The following DYM variants were observed in gnomAD, a reference collection of about 807,000 sequenced individuals.
DYM encodes the protein dyggve-Melchior-Clausen syndrome protein.
A neutral mutation model predicts 93.1 loss-of-function variants in DYM; 78 were observed. That is an observed-to-expected ratio of 0.84 (90% CI 0.70 to 1.01). The LOEUF (loss-of-function observed/expected upper bound fraction) is 1.01. Among genes scored for constraint, DYM ranks in the 50% least tolerant of loss-of-function variants. The pLI, the probability that DYM is intolerant of heterozygous loss-of-function variation, is 0.00. For synonymous variants in DYM, 321 were observed against 319.7 expected (o/e 1.00, Z -0.04); for missense variants, 789 against 845.0 (o/e 0.93, Z 0.82).
chr18:49,162,493 A>G (rs2145041263), intron 15 of DYM, among the ~76,000 whole-genome samples: 1 of 152,240 alleles, frequency 6.6e-6, no homozygotes, highest in East Asian at 1.9e-4. Flanking sequence ...CTATTAATCC[A>G]TTAACTCACT....
At chr18:49,221,286 G>C (rs575570592) in intron 13 of DYM, among the ~76,000 whole-genome samples, 1 of 152,148 alleles carries the variant, frequency 6.6e-6, no homozygotes, top group South Asian at 2.1e-4. Context: ...GGAGAAATAG[G>C]AACACTTTTA....
chr18:49,387,156 A>G (rs1013731495), intron 3 of DYM, among the ~76,000 whole-genome samples: 2 of 151,978 alleles, frequency 1.3e-5, no homozygotes, highest in Non-Finnish European at 2.9e-5. Flanking sequence ...CCTGGACTCA[A>G]GAATCCTCCC....
chr18:49,441,090 TATATATAAA>T (rs2081439217), intron 1 of DYM, among the ~76,000 whole-genome samples: 1 of 8,638 alleles, frequency 1.2e-4, no homozygotes, highest in Non-Finnish European at 2.4e-4. Context: ...TATTATATAT[TATATATAAA>T]TATATATTAA....
chr18:49,163,788 C>A lies in DYM; in HGVS notation c.1626-1G>T, dbSNP rs2087501886. 1.2e-6 allele frequency: 2 copies of A among 1,600,142 alleles called. No homozygotes were observed. The highest frequency in any genetic ancestry group is 8.5e-7 in the Non-Finnish European group (1 of 1,170,980). On this transcript the variant is annotated splice_acceptor_variant, in intron 14 of 17. Transcript: ENST00000675505. LOFTEE classifies it high-confidence loss of function. ...TTTTTTAGACAGCAAAGAAAATAAA[C>A]TGGAAAAACAAACAAAAAACCAATT...
chr18:49,145,566 T>A (rs2085033936), intron 15 of DYM, among the ~76,000 whole-genome samples: 1 of 152,148 alleles, frequency 6.6e-6, no homozygotes, highest in Admixed American at 6.5e-5. Context: ...TTAACAATTT[T>A]TTCTATAGTT....
chr18:49,126,191 C>T (rs1207806680), intron 15 of DYM: 4 of 152,278 alleles, frequency 2.6e-5, no homozygotes, highest in South Asian at 4.2e-4. Flanking sequence ...CCGTGTAAGT[C>T]GTTTCCTGGA....
At chr18:49,396,361 T>C (rs77715408) in intron 2 of DYM, among the ~76,000 whole-genome samples, 13,896 of 152,204 alleles carry the variant, frequency 0.091, 865 homozygotes, top group East Asian at 0.31. Flanking sequence ...GAGCATCCCT[T>C]ACCCAAAATG....
At chr18:49,095,456 T>TG (rs201843948) in intron 17 of DYM, among the ~76,000 whole-genome samples, 1,714 of 152,072 alleles carry the variant, frequency 0.011, 35 homozygotes, top group African/African-American at 0.039. Context: ...TGTTTTTTTT[T>TG]TTTTGTTTTG....
At chr18:49,065,428 T>C (rs1183189314) in intron 17 of DYM, among the ~76,000 whole-genome samples, 1 of 152,210 alleles carries the variant, frequency 6.6e-6, no homozygotes, top group Non-Finnish European at 1.5e-5. Context: ...AATGGTGCGA[T>C]CTTGGCTCAC....
At chr18:49,321,700 G>A (rs55668108) in intron 8 of DYM, among the ~76,000 whole-genome samples, 12,828 of 152,032 alleles carry the variant, frequency 0.084, 660 homozygotes, top group East Asian at 0.18. Flanking sequence ...CACAGAAACA[G>A]TAAACAGAAA....
At chr18:49,150,578 A>G (rs971022235) in intron 15 of DYM, among the ~76,000 whole-genome samples, 2 of 152,210 alleles carry the variant, frequency 1.3e-5, no homozygotes, top group African/African-American at 2.4e-5. Flanking sequence ...TGCCTCAAGG[A>G]CTGTGAGGAA....
chr18:49,286,365 C>T, intron 9 of DYM, 69 bp downstream of exon 9: 1 of 1,552,592 alleles, frequency 6.4e-7, no homozygotes, highest in Admixed American at 1.7e-5. Flanking sequence ...AACTATAAGA[C>T]AATAAACAAT....
chr18:49,283,404 T>A (rs2095041065), intron 9 of DYM, among the ~76,000 whole-genome samples: 2 of 152,026 alleles, frequency 1.3e-5, no homozygotes, highest in Admixed American at 1.3e-4. Flanking sequence ...GCAAACCTAA[T>A]TGACTATAAC....
chr18:49,142,717 T>C (rs900036214), intron 15 of DYM, among the ~76,000 whole-genome samples: 14 of 152,144 alleles, frequency 9.2e-5, no homozygotes, highest in African/African-American at 3.4e-4. Context: ...CAAGTCCTTT[T>C]TGGTATAAAA....
chr18:49,104,104 G>C (rs2080504287), intron 16 of DYM, among the ~76,000 whole-genome samples: 1 of 152,078 alleles, frequency 6.6e-6, no homozygotes, highest in Admixed American at 6.5e-5. Flanking sequence ...GTGGTTTGTA[G>C]TTCTCCTTGA....
intron 2 of DYM, 82 bp from the exon 3 acceptor site, chr18:49,391,727 G>A: frequency 8.2e-7 from 1 of 1,226,382 alleles, no homozygotes; most frequent in Non-Finnish European, 1.2e-6. Flanking sequence ...AATATATAAA[G>A]ATAAGAAAAA....
chr18:49,227,258 T>C (rs1223666419), intron 13 of DYM, among the ~76,000 whole-genome samples: 13 of 152,186 alleles, frequency 8.5e-5, no homozygotes. Flanking sequence ...TAAGTTATGA[T>C]TCTTCAACAT....
chr18:49,455,352 T>C (rs1479044349), intron 1 of DYM, among the ~76,000 whole-genome samples: 1 of 152,202 alleles, frequency 6.6e-6, no homozygotes, highest in Non-Finnish European at 1.5e-5. Flanking sequence ...TACATCCTTC[T>C]CCTTGTCCAT....
chr18:49,396,176 T>C (rs2070050936), intron 2 of DYM, among the ~76,000 whole-genome samples: 1 of 152,146 alleles, frequency 6.6e-6, no homozygotes, highest in Non-Finnish European at 1.5e-5. Flanking sequence ...AATAAACCTC[T>C]TTTCTTTATA....
Sources: gnomAD v4.1 joint callset for allele counts (sites outside exome capture counted in the v4.1 genomes callset) on GRCh38, gnomAD v4.1.1 for gene constraint, MANE v1.5 for transcripts, NCBI Gene and HGNC (gene_info 2026-07-23, HGNC 2026-07-21) for gene names.